Variants in TJP1 observed in about 807,000 individuals in gnomAD.
The protein encoded by TJP1 is tight junction protein ZO-1.
Under a neutral mutation model 194.2 loss-of-function variants are expected in TJP1, and 43 were observed. The ratio of observed to expected loss-of-function variants is 0.22; its 90% CI spans 0.17 to 0.29. The LOEUF is 0.29. Among genes scored for constraint, TJP1 ranks in the 10% least tolerant of loss-of-function variants. The pLI, the probability that TJP1 is intolerant of heterozygous loss-of-function variation, is 1.00. For synonymous variants in TJP1, 801 were observed against 779.0 expected, an observed-to-expected ratio of 1.03 and a Z score of -0.47; for missense variants, 1,971 against 2,185.7, an observed-to-expected ratio of 0.90 and a Z score of 1.96.
intron 2 of TJP1, among the ~76,000 whole-genome samples, chr15:29,936,373 G>A (rs2054882836): frequency 6.6e-6 from 1 of 152,174 alleles, no homozygotes; most frequent in Admixed American, 6.5e-5. Flanking sequence ...TATGTTGCCA[G>A]CACCTGTCAG....
At chr15:29,750,481 C>A (rs145731926) in intron 8 of TJP1, among the ~76,000 whole-genome samples, 1 of 152,206 alleles carries the variant, frequency 6.6e-6, no homozygotes, top group African/African-American at 2.4e-5. Context: ...TTAGTTCTTA[C>A]CAGTCAATCC....
chr15:29,764,195 G>A (rs965403303), intron 5 of TJP1, among the ~76,000 whole-genome samples: 15 of 152,108 alleles, frequency 9.9e-5, no homozygotes, highest in African/African-American at 3.4e-4. Flanking sequence ...GAAACACAAG[G>A]GTTCTTCACT....
Position 29,701,632 on chromosome 15 carries a change from CCAA to C in TJP1, c.5267_5269del (p.Val1756del), listed in dbSNP as rs1332431944. 3 of 1,613,962 alleles carry C rather than the reference CCAA, an allele frequency of 1.9e-6. No homozygotes were observed. Among genetic ancestry groups the C allele is most frequent in the African/African-American group, 2.7e-5 (2 of 74,924 alleles). The stretch of plus-strand genomic sequence containing the variant: ...AATAAGGACAGAAACACAGTTTGCT[CCAA>C]CGAGATAATTTGGATCTCCGGGAAG... On this transcript the variant is annotated inframe_deletion, in exon 28 of 28. Coordinates refer to ENST00000614355, the MANE Select transcript of TJP1 (RefSeq NM_001330239.4).
chr15:29,761,041 A>G (rs2045968275), intron 8 of TJP1, 98 bp downstream of exon 8: 17 of 1,359,014 alleles, frequency 1.3e-5, no homozygotes, highest in Non-Finnish European at 1.6e-5. Flanking sequence ...TGAATAATCA[A>G]AAGAAATACA....
intron 2 of TJP1, among the ~76,000 whole-genome samples, chr15:29,849,520 C>T (rs1047939391): frequency 1.3e-5 from 2 of 151,578 alleles, no homozygotes; most frequent in African/African-American, 2.4e-5. Context: ...GGGATGATCA[C>T]CTGAGGTCAG....
chr15:29,760,821 G>C (rs562685229), intron 8 of TJP1, among the ~76,000 whole-genome samples: 1 of 152,334 alleles, frequency 6.6e-6, no homozygotes, highest in African/African-American at 2.4e-5. Context: ...TGCAGCTGCG[G>C]ATCAACCGCT....
intron 18 of TJP1, among the ~76,000 whole-genome samples, chr15:29,722,909 CTACT>C (rs1469560832): frequency 6.6e-6 from 1 of 152,320 alleles, no homozygotes; most frequent in Admixed American, 6.5e-5. Flanking sequence ...AATGACTAAT[CTACT>C]TACTTTTGGA....
intron 2 of TJP1, among the ~76,000 whole-genome samples, chr15:29,774,634 T>G (rs571148710): frequency 3.4e-5 from 5 of 148,754 alleles, no homozygotes; most frequent in South Asian, 2.1e-4. Context: ...ATGGGAGGTG[T>G]TTTTTTTTTC....
intron 2 of TJP1, among the ~76,000 whole-genome samples, chr15:29,935,003 G>A (rs1487004871): frequency 1.3e-5 from 2 of 152,236 alleles, no homozygotes; most frequent in Non-Finnish European, 2.9e-5. Context: ...GAGGGAAACT[G>A]AGAATTATCT....
At chr15:29,781,405 A>C (rs1595874690) in intron 2 of TJP1, among the ~76,000 whole-genome samples, 1 of 152,218 alleles carries the variant, frequency 6.6e-6, no homozygotes, top group Non-Finnish European at 1.5e-5. Context: ...AAGAGCTGGA[A>C]CAATTTCTAC....
At chr15:29,737,794 T>C (rs2044134862) in intron 10 of TJP1, among the ~76,000 whole-genome samples, 1 of 152,214 alleles carries the variant, frequency 6.6e-6, no homozygotes, top group African/African-American at 2.4e-5. Flanking sequence ...AAAAGTCAAA[T>C]TTTTTAAAAT....
intron 1 of TJP1, among the ~76,000 whole-genome samples, chr15:29,809,797 G>A (rs1013773937): frequency 1.3e-5 from 2 of 151,976 alleles, no homozygotes; most frequent in African/African-American, 4.8e-5. Context: ...AGTGAGCCAA[G>A]GTCATGCCAT....
intron 1 of TJP1, among the ~76,000 whole-genome samples, chr15:29,819,047 A>G (rs2050141542): frequency 6.6e-6 from 1 of 152,156 alleles, no homozygotes; most frequent in Non-Finnish European, 1.5e-5. Flanking sequence ...CGAACTCCTG[A>G]CCTCAAGTGA....
intron 2 of TJP1, among the ~76,000 whole-genome samples, chr15:29,876,101 T>C (rs1234863289): frequency 6.6e-6 from 1 of 152,236 alleles, no homozygotes; most frequent in Admixed American, 6.5e-5. Context: ...GCAATGATAC[T>C]GAACAGTGCA....
intron 6 of TJP1, 62 bp downstream of exon 6, chr15:29,762,273 C>G (rs2046055329): frequency 3.6e-6 from 5 of 1,389,626 alleles, no homozygotes; most frequent in Non-Finnish European, 5.0e-6. Context: ...GCACAGACTA[C>G]ATGGTAACTC....
chr15:29,876,774 C>T (rs1420488225), intron 2 of TJP1, among the ~76,000 whole-genome samples: 1 of 152,088 alleles, frequency 6.6e-6, no homozygotes, highest in Non-Finnish European at 1.5e-5. Flanking sequence ...CTGCTGCAGC[C>T]CTCCATTCCT....
At chr15:29,919,625 G>A (rs1015857507) in intron 2 of TJP1, among the ~76,000 whole-genome samples, 4 of 152,204 alleles carry the variant, frequency 2.6e-5, no homozygotes, top group African/African-American at 9.7e-5. Flanking sequence ...AGGTGACCTT[G>A]GAGACCTGAG....
upstream of TJP1, among the ~76,000 whole-genome samples, chr15:29,824,598 G>A (rs2050623890): frequency 6.6e-6 from 1 of 151,934 alleles, no homozygotes; most frequent in Non-Finnish European, 1.5e-5. Context: ...TTCTTCATAT[G>A]CAAACACCAT....
At position 29,718,607 on chromosome 15, in the gene TJP1, G is replaced by A; in HGVS notation, c.3535C>T (p.Pro1179Ser). Reference sequence around the variant, plus strand: ...TCTGCAGGCTTGGGCCCTGCTGAAGGGTGGGGCTGGGCTTCCGGTCTGAGT... The same window carrying A: ...TCTGCAGGCTTGGGCCCTGCTGAAGAGTGGGGCTGGGCTTCCGGTCTGAGT... ...GRLRPEAQPH[P>S]SAGPKPAESK... Residue 1179 changes from proline (P) to serine (S), a missense_variant, in exon 21 of 28, where the codon CCT becomes TCT. Physicochemically the swap from Pro to Ser is moderately conservative, Grantham distance 74. This residue lies in a region of TJP1 where 1,108 missense variants were observed against 1,128.5 expected (regional missense o/e 0.98). Coordinates refer to ENST00000614355, the MANE Select transcript of TJP1 (RefSeq NM_001330239.4). The A allele has an allele frequency of 6.2e-7, 1 of 1,614,192 alleles. No individual in the cohort carries two copies. The highest frequency in any genetic ancestry group is 8.5e-7 in the Non-Finnish European group (1 of 1,180,032).
Sources: gnomAD v4.1 joint callset for allele counts (sites outside exome capture counted in the v4.1 genomes callset) on GRCh38, gnomAD v4.1.1 for gene constraint, gnomAD v4.1.1 regional missense constraint, MANE v1.5 for transcripts, NCBI Gene and HGNC (gene_info 2026-07-23, HGNC 2026-07-21) for gene names.